Variants in LMF1 observed in about 807,000 individuals in gnomAD.
LMF1 encodes transmembrane protein 112.
LMF1 carries 68 observed loss-of-function variants against 60.6 expected under a neutral mutation model. That is an observed-to-expected ratio of 1.12 (90% CI 0.92 to 1.37). The LOEUF is 1.37. Among genes scored for constraint, LMF1 ranks in the 40% most tolerant of loss-of-function variants. LMF1 has a pLI of 0.00. For synonymous variants in LMF1, 418 were observed against 324.7 expected (o/e 1.29, Z -3.09); for missense variants, 948 against 767.2 (o/e 1.24, Z -2.78).
At chr16:973,782 C>T (rs1440135277), upstream of LMF1, among the ~76,000 whole-genome samples, 1 of 152,064 alleles carries the variant, frequency 6.6e-6, no homozygotes, top group African/African-American at 2.4e-5. Flanking sequence ...GGGTGGATCA[C>T]GAGGTCAGGA....
intron 2 of LMF1, among the ~76,000 whole-genome samples, chr16:950,585 C>G (rs1167432234): frequency 7.5e-5 from 10 of 133,176 alleles, no homozygotes; most frequent in East Asian, 2.2e-4. Context: ...ACAGAGTCAG[C>G]CAATGACAGA....
At chr16:966,209 G>C (rs2072919292) in intron 1 of LMF1, among the ~76,000 whole-genome samples, 1 of 152,214 alleles carries the variant, frequency 6.6e-6, no homozygotes, top group Admixed American at 6.5e-5. Flanking sequence ...AGCGGGAGCA[G>C]TTCAGGCACC....
chr16:923,418 C>G (rs561554323), intron 3 of LMF1, among the ~76,000 whole-genome samples: 1 of 152,248 alleles, frequency 6.6e-6, no homozygotes, highest in Admixed American at 6.5e-5. Flanking sequence ...TAGTAACGGG[C>G]ACCCCAGCAC....
intron 2 of LMF1, among the ~76,000 whole-genome samples, chr16:943,906 G>A (rs2072173906): frequency 6.6e-6 from 1 of 152,010 alleles, no homozygotes; most frequent in African/African-American, 2.4e-5. Context: ...TACTTGTGTA[G>A]TAGTTTCTGA....
chr16:960,343 AGC>A (rs879339465), intron 1 of LMF1, among the ~76,000 whole-genome samples: 23,838 of 148,514 alleles, frequency 0.16, 2,582 homozygotes, highest in African/African-American at 0.23. Context: ...TCACGGTGAC[AGC>A]ACGGGATCAC....
chr16:978,989 G>T (rs1237385868), intron 1 of LMF1: 2 of 454,016 alleles, frequency 4.4e-6, no homozygotes, highest in East Asian at 1.4e-4. Context: ...CATCCTTCCT[G>T]AAGTCCCCGC....
chr16:872,778 TTCTG>T (rs1419615878), intron 6 of LMF1: 1 of 152,344 alleles, frequency 6.6e-6, no homozygotes, highest in African/African-American at 2.4e-5. Flanking sequence ...GCTCGGGTCT[TTCTG>T]GCCCTTCGCT....
intron 3 of LMF1, among the ~76,000 whole-genome samples, chr16:915,876 A>G (rs113836632): frequency 0.078 from 11,863 of 151,796 alleles, 508 homozygotes; most frequent in African/African-American, 0.096. Flanking sequence ...CGGGGGCCGG[A>G]GCAGGTGAGA....
intron 3 of LMF1, 43 bp downstream of exon 3, chr16:934,201 C>A (rs375294291): frequency 1.3e-6 from 2 of 1,599,250 alleles, no homozygotes; most frequent in Admixed American, 3.3e-5. Flanking sequence ...AAACACACAA[C>A]GCTCAACTCT....
At chr16:875,247 C>T (rs2069939446) in intron 6 of LMF1, among the ~76,000 whole-genome samples, 1 of 152,044 alleles carries the variant, frequency 6.6e-6, no homozygotes, top group African/African-American at 2.4e-5. Flanking sequence ...TGTCCACCGC[C>T]ACTCACCCCA....
intron 8 of LMF1, 36 bp from the exon 9 acceptor site, chr16:870,102 C>G: frequency 6.3e-7 from 1 of 1,590,458 alleles, no homozygotes; most frequent in Non-Finnish European, 8.5e-7. Context: ...GCCCACGTCA[C>G]ACACCGGCTG....
intron 2 of LMF1, among the ~76,000 whole-genome samples, chr16:935,511 G>T (rs926436629): frequency 6.8e-6 from 1 of 147,090 alleles, no homozygotes; most frequent in East Asian, 2.0e-4. Context: ...CACAATGGAA[G>T]AAGAAAAATT....
chr16:935,160 C>T (rs926014127), intron 2 of LMF1, among the ~76,000 whole-genome samples: 1 of 151,478 alleles, frequency 6.6e-6, no homozygotes, highest in Non-Finnish European at 1.5e-5. Context: ...TGGAGTGCAG[C>T]GGTGCATAAC....
At chr16:927,765 C>A (rs1284987774) in intron 3 of LMF1, among the ~76,000 whole-genome samples, 1 of 152,146 alleles carries the variant, frequency 6.6e-6, no homozygotes, top group African/African-American at 2.4e-5. Context: ...GCCAGTGAAC[C>A]CCTCATTAAG....
rs375281437 is a variant in LMF1, at chr16:888,926, C to T, written c.729+4081G>A. Among the ~76,000 whole-genome samples the T allele has an allele frequency of 7.2e-5, 11 of 152,324 alleles. No homozygotes were observed. The East Asian group carries it at 1.9e-3, about 27-fold the overall frequency. On this transcript the variant is annotated intron_variant, in intron 5 of 10. Coordinates refer to ENST00000262301, the MANE Select transcript of LMF1 (RefSeq NM_022773.4). ...AGCTGGGACAGGAGCTGCATCCCCC[C>T]TCTCCTGTGCTGCGCTGGCCCTGGG... is the stretch of plus-strand genomic sequence containing the variant.
Position 854,912 on chromosome 16 carries a change from A to G in LMF1, c.1530-206T>C. ...CCAGTCGGCACCCTCAGCAGTGAAC[A>G]GCGCAGCAAGGGGGAAGGGCGGACG... On this transcript the variant is annotated intron_variant, in intron 10 of 10. Coordinates refer to ENST00000262301, the MANE Select transcript of LMF1 (RefSeq NM_022773.4). 6.5e-6 allele frequency: 4 copies of G among 610,990 alleles called. No individual in the cohort carries two copies. In the Middle Eastern group the frequency reaches 1.3e-3, roughly 201 times the overall value. The allele number at this position is 610,990 out of a possible 1,614,324, so 37.8% of individuals were successfully genotyped here. A position where few individuals can be genotyped will look rare whatever the true frequency, so the allele number is the denominator to read the frequency against.
intron 1 of LMF1, chr16:979,839 A>T: frequency 2.3e-6 from 1 of 443,722 alleles, no homozygotes; most frequent in Non-Finnish European, 4.6e-6. Flanking sequence ...TTAAACCCCC[A>T]CTTCTGCCTG....
Position 909,308 on chromosome 16 carries a change from C to T in LMF1, c.663+1623G>A, listed in dbSNP as rs116709000. Among the ~76,000 whole-genome samples, 637 of 152,164 alleles carry T rather than the reference C, an allele frequency of 4.2e-3. 8 individuals carry two copies. Among genetic ancestry groups the T allele is most frequent in the African/African-American group, 0.015 (608 of 41,498 alleles). On this transcript the variant is annotated intron_variant, in intron 4 of 10. Coordinates refer to ENST00000262301, the MANE Select transcript of LMF1 (RefSeq NM_022773.4). ...CAGGGGGACAGAGCCCCGAGCTGAACGAGATGGAAAGAAGAGCTATGCCCA... is the reference window on the plus strand; with the variant it reads ...CAGGGGGACAGAGCCCCGAGCTGAATGAGATGGAAAGAAGAGCTATGCCCA...
chr16:892,991 T>TGCACG lies in LMF1; in HGVS notation c.729+11_729+15dup. 7 of 1,540,562 alleles carry TGCACG rather than the reference T, an allele frequency of 4.5e-6. No homozygotes were observed. In the South Asian group the frequency reaches 8.4e-5, roughly 18 times the overall value. On this transcript the variant is annotated intron_variant, in intron 5 of 10. Transcript: ENST00000262301. ...GAGACCGGGTGCCCTGCCCTCACGCTGCACGGCACGCTCACCTCATAGTGG... is the reference window on the plus strand; with the variant it reads ...GAGACCGGGTGCCCTGCCCTCACGCTGCACGGCACGGCACGCTCACCTCATAGTGG...
Sources: allele counts gnomAD v4.1 joint callset (sites outside exome capture counted in the v4.1 genomes callset), GRCh38; gene constraint gnomAD v4.1.1; transcripts MANE v1.5; gene names NCBI Gene and HGNC (gene_info 2026-07-23, HGNC 2026-07-21).